Variants in KCND2 observed in about 807,000 individuals in gnomAD.
The protein encoded by KCND2 is A-type voltage-gated potassium channel KCND2.
In KCND2, 16 loss-of-function variants were observed where a neutral mutation model predicts 54.4. The observed-to-expected ratio is 0.29, with a 90% CI of 0.20 to 0.45. The LOEUF is 0.45. KCND2 is among the 20% of genes least tolerant of loss of function. KCND2 has a pLI of 1.00. For synonymous variants in KCND2, 317 were observed against 310.7 expected, an observed-to-expected ratio of 1.02 and a Z score of -0.21; for missense variants, 486 against 824.2, an observed-to-expected ratio of 0.59 and a Z score of 5.02.
intron 1 of KCND2, among the ~76,000 whole-genome samples, chr7:120,521,577 A>C (rs1438203099): frequency 2.0e-5 from 3 of 152,146 alleles, no homozygotes; most frequent in Non-Finnish European, 2.9e-5. Flanking sequence ...GTCAACTGTC[A>C]TTTTGAGGTG....
intron 1 of KCND2, among the ~76,000 whole-genome samples, chr7:120,679,801 C>T (rs531059264): frequency 2.3e-4 from 35 of 152,166 alleles, no homozygotes; most frequent in African/African-American, 7.9e-4. Context: ...GTCCATTTCA[C>T]AACTGAATTA....
chr7:120,332,253 G>C (rs1800080243), intron 1 of KCND2, among the ~76,000 whole-genome samples: 1 of 151,954 alleles, frequency 6.6e-6, no homozygotes, highest in South Asian at 2.1e-4. Flanking sequence ...TAAAAGACTA[G>C]ATAAAGGCAA....
intron 1 of KCND2, among the ~76,000 whole-genome samples, chr7:120,384,123 G>A (rs1800953919): frequency 6.6e-6 from 1 of 151,954 alleles, no homozygotes; most frequent in Non-Finnish European, 1.5e-5. Flanking sequence ...TATACCTAAT[G>A]CAAGGTAAAT....
chr7:120,690,670 C>T (rs957530471), intron 1 of KCND2, among the ~76,000 whole-genome samples: 30 of 152,258 alleles, frequency 2.0e-4, no homozygotes, highest in Non-Finnish European at 1.8e-4. Context: ...TCACAAATAA[C>T]AAGCTATATT....
At chr7:120,712,125 G>C (rs1238184600) in intron 1 of KCND2, among the ~76,000 whole-genome samples, 2 of 129,750 alleles carry the variant, frequency 1.5e-5, no homozygotes, top group Non-Finnish European at 3.1e-5. Context: ...ACTGAAATAA[G>C]AAAGCTTTTT....
At chr7:120,316,791 C>T (rs1415166710) in intron 1 of KCND2, among the ~76,000 whole-genome samples, 2 of 150,688 alleles carry the variant, frequency 1.3e-5, no homozygotes, top group Admixed American at 6.6e-5. Flanking sequence ...AATTATTGTA[C>T]TTTATGTGAA....
rs56748699 is a variant in KCND2, at chr7:120,295,347, AACACACACACACACAC to A, written c.1115+19630_1115+19645del. Among the ~76,000 whole-genome samples the A allele has an allele frequency of 1.4e-3, 191 of 141,470 alleles. No individual in the cohort carries two copies. The East Asian group carries it at 0.018, about 13-fold the overall frequency. The allele number at this position is 141,470 out of a possible 152,430, so 92.8% of individuals were successfully genotyped here. The stretch of plus-strand genomic sequence containing the variant: ...GCCCTGAAAAAATATGTCATAGAGT[AACACACACACACACAC>A]ACACACACACACACACACACACACA... On this transcript the variant is annotated intron_variant, in intron 1 of 5. Transcript: ENST00000331113.
intron 1 of KCND2, among the ~76,000 whole-genome samples, chr7:120,465,221 A>G (rs1351255798): frequency 1.3e-5 from 2 of 152,182 alleles, no homozygotes; most frequent in Admixed American, 1.3e-4. Flanking sequence ...CGCTTGTCTC[A>G]AGACAATCAA....
chr7:120,299,787 G>C (rs1406378817), intron 1 of KCND2, among the ~76,000 whole-genome samples: 3 of 152,098 alleles, frequency 2.0e-5, no homozygotes, highest in Non-Finnish European at 2.9e-5. Context: ...AAGATTTCTT[G>C]GTAGTTTCCA....
chr7:120,637,264 T>A (rs1023802498), intron 1 of KCND2, among the ~76,000 whole-genome samples: 1 of 152,082 alleles, frequency 6.6e-6, no homozygotes, highest in Non-Finnish European at 1.5e-5. Context: ...AATAAGAAAC[T>A]GGTGAGAACA....
At chr7:120,324,474 G>C (rs1338651003) in intron 1 of KCND2, among the ~76,000 whole-genome samples, 1 of 148,342 alleles carries the variant, frequency 6.7e-6, no homozygotes, top group African/African-American at 2.5e-5. Flanking sequence ...ATTGATTTTT[G>C]TATAAGGTGT....
At position 120,370,285 on chromosome 7, in the gene KCND2, A is replaced by G. The variant is rs558724634; in HGVS notation, c.1115+94538A>G. ...TAGCAAGAGAGGAAATCAGAAAGGGACAGGGGAGGCGTGGCCAGATGCAGA... is the reference window on the plus strand; with the variant it reads ...TAGCAAGAGAGGAAATCAGAAAGGGGCAGGGGAGGCGTGGCCAGATGCAGA... On this transcript the variant is annotated intron_variant, in intron 1 of 5. Transcript: ENST00000331113. Among the ~76,000 whole-genome samples the G allele has an allele frequency of 3.3e-5, 5 of 152,076 alleles. No homozygotes were observed. In the East Asian group the frequency reaches 9.7e-4, roughly 30 times the overall value.
At chr7:120,583,845 A>G (rs1346920299) in intron 1 of KCND2, among the ~76,000 whole-genome samples, 1 of 152,098 alleles carries the variant, frequency 6.6e-6, no homozygotes, top group Admixed American at 6.6e-5. Context: ...TGTGAAAAAA[A>G]GCAATATAGA....
chr7:120,578,063 G>A (rs201247223), intron 1 of KCND2, among the ~76,000 whole-genome samples: 5 of 121,064 alleles, frequency 4.1e-5, no homozygotes, highest in African/African-American at 1.6e-4. Flanking sequence ...AGAAGAAGAA[G>A]AACAAGAAGG....
At chr7:120,588,679 C>T (rs1029503737) in intron 1 of KCND2, among the ~76,000 whole-genome samples, 1 of 152,124 alleles carries the variant, frequency 6.6e-6, no homozygotes, top group Non-Finnish European at 1.5e-5. Flanking sequence ...GTGAAGAAAA[C>T]TGTGTTCAGT....
At chr7:120,413,820 A>ATT (rs76050213) in intron 1 of KCND2, among the ~76,000 whole-genome samples, 1 of 150,156 alleles carries the variant, frequency 6.7e-6, no homozygotes, top group South Asian at 2.1e-4. Context: ...CTTACTAGGA[A>ATT]TTTTTTTTTT....
intron 1 of KCND2, among the ~76,000 whole-genome samples, chr7:120,526,878 A>G (rs1422205918): frequency 2.6e-5 from 4 of 152,120 alleles, no homozygotes; most frequent in Non-Finnish European, 5.9e-5. Context: ...AAATAAGCTG[A>G]ACTAAATAAC....
At chr7:120,458,541 C>T (rs1416204170) in intron 1 of KCND2, among the ~76,000 whole-genome samples, 1 of 152,152 alleles carries the variant, frequency 6.6e-6, no homozygotes, top group African/African-American at 2.4e-5. Context: ...GTTCATATTC[C>T]TTGATTTCCC....
chr7:120,562,833 A>C (rs193290468), intron 1 of KCND2, among the ~76,000 whole-genome samples: 1 of 152,308 alleles, frequency 6.6e-6, no homozygotes, highest in Admixed American at 6.5e-5. Flanking sequence ...AAGCAAATAC[A>C]GACACAGTTC....
Sources: gnomAD v4.1 joint callset for allele counts (sites outside exome capture counted in the v4.1 genomes callset) on GRCh38, gnomAD v4.1.1 for gene constraint, MANE v1.5 for transcripts, NCBI Gene and HGNC (gene_info 2026-07-23, HGNC 2026-07-21) for gene names.